ADGRB3: variants seen among roughly 807,000 people sequenced by gnomAD.
The protein encoded by ADGRB3 is brain-specific angiogenesis inhibitor 3.
ADGRB3 carries 37 observed loss-of-function variants against 193.4 expected under a neutral mutation model. The ratio of observed to expected loss-of-function variants is 0.19; its 90% CI spans 0.15 to 0.25. The LOEUF is 0.25. Ranked by LOEUF, ADGRB3 falls within the 10% of genes least tolerant of loss-of-function variation. The pLI is 1.00. For synonymous variants in ADGRB3, 690 were observed against 644.2 expected, an observed-to-expected ratio of 1.07 and a Z score of -1.08; for missense variants, 1,637 against 1,852.9, an observed-to-expected ratio of 0.88 and a Z score of 2.14.
intron 3 of ADGRB3, among the ~76,000 whole-genome samples, chr6:68,730,173 T>A (rs1342398964): frequency 6.6e-6 from 1 of 151,656 alleles, no homozygotes; most frequent in Non-Finnish European, 1.5e-5. Flanking sequence ...TTTAGTTAAA[T>A]GTACAGTAAA....
rs1272886339 is a variant in ADGRB3, at chr6:68,772,892, AAAATATATATATATATATATAT to A, written c.757+133462_757+133483del. On this transcript the variant is annotated intron_variant, in intron 3 of 31. Transcript: ENST00000370598. ...AAACAAACAAACAAACAAAAAAAAA[AAAATATATATATATATATATAT>A]ATATATATATATATATATACATACA... is the stretch of plus-strand genomic sequence containing the variant. Among the ~76,000 whole-genome samples the A allele has an allele frequency of 9.8e-4, 30 of 30,556 alleles. 3 individuals are homozygous for A. The highest frequency in any genetic ancestry group is 6.5e-3 in the South Asian group (6 of 926). 20.0% of individuals were successfully genotyped at this position (30,556 alleles called of 152,430 possible). A position where few individuals can be genotyped will look rare whatever the true frequency, so the allele number is the denominator to read the frequency against.
At chr6:68,979,391 A>G (rs1195312261) in intron 10 of ADGRB3, among the ~76,000 whole-genome samples, 3 of 151,416 alleles carry the variant, frequency 2.0e-5, no homozygotes, top group Non-Finnish European at 4.4e-5. Context: ...TCACTTTATG[A>G]AATTATTCGG....
intron 3 of ADGRB3, among the ~76,000 whole-genome samples, chr6:68,769,080 C>T (rs995532828): frequency 6.6e-6 from 1 of 152,168 alleles, no homozygotes; most frequent in Non-Finnish European, 1.5e-5. Flanking sequence ...AATGCTTTTA[C>T]ACTGTTGGTG....
chr6:68,918,347 T>C (rs1047611737), intron 3 of ADGRB3, among the ~76,000 whole-genome samples: 8 of 152,144 alleles, frequency 5.3e-5, no homozygotes, highest in Non-Finnish European at 8.8e-5. Flanking sequence ...AGAAGCACAG[T>C]CATATGATGA....
intron 3 of ADGRB3, among the ~76,000 whole-genome samples, chr6:68,847,068 G>A (rs553681260): frequency 6.6e-6 from 1 of 152,124 alleles, no homozygotes; most frequent in Admixed American, 6.5e-5. Flanking sequence ...GATCATTTTG[G>A]AGCTTTCAAT....
chr6:68,852,662 CT>C (rs1182337631), intron 3 of ADGRB3, among the ~76,000 whole-genome samples: 2 of 151,934 alleles, frequency 1.3e-5, no homozygotes, highest in Non-Finnish European at 2.9e-5. Flanking sequence ...TAATAGGATC[CT>C]TCTAGGAGGA....
chr6:69,306,698 A>C (rs1184421182), intron 20 of ADGRB3, among the ~76,000 whole-genome samples: 6 of 151,526 alleles, frequency 4.0e-5, no homozygotes, highest in African/African-American at 1.5e-4. Context: ...GACCACAATA[A>C]TGGCAAATGG....
intron 6 of ADGRB3, among the ~76,000 whole-genome samples, chr6:68,951,823 GGA>G (rs1767928200): frequency 6.6e-6 from 1 of 152,074 alleles, no homozygotes; most frequent in Non-Finnish European, 1.5e-5. Flanking sequence ...CATTGAGTGG[GGA>G]GAGACATTGA....
intron 17 of ADGRB3, among the ~76,000 whole-genome samples, chr6:69,184,707 T>C (rs964416416): frequency 6.6e-6 from 1 of 152,028 alleles, no homozygotes; most frequent in African/African-American, 2.4e-5. Flanking sequence ...AAATAAAAGA[T>C]ACTTTCATAT....
In ADGRB3 at chr6:68,638,739, T is replaced by G. The variant is rs1561979192; in HGVS notation, c.64T>G (p.Phe22Val). 1 of 1,614,174 alleles carries G rather than the reference T, an allele frequency of 6.2e-7. No individual in the cohort carries two copies. The highest frequency in any genetic ancestry group is 8.5e-7 in the Non-Finnish European group (1 of 1,180,026). ...FSTYLLVMFGFNAAQDFWCST... is the reference protein window; with the variant it reads ...FSTYLLVMFGVNAAQDFWCST... ...CACCTATCTCCTGGTTATGTTTGGA[T>G]TTAATGCTGCCCAAGACTTCTGGTG... The change falls in exon 3 of 32, where the codon TTT becomes GTT. Residue 22 changes from phenylalanine (F) to valine (V), a missense_variant. Transcript: ENST00000370598.
intron 3 of ADGRB3, among the ~76,000 whole-genome samples, chr6:68,811,767 G>A (rs1337086747): frequency 6.6e-6 from 1 of 152,152 alleles, no homozygotes; most frequent in Non-Finnish European, 1.5e-5. Flanking sequence ...ACCGTGACCA[G>A]CCGAGGTGGA....
chr6:68,739,775 A>C (rs980933738), intron 3 of ADGRB3, among the ~76,000 whole-genome samples: 2 of 152,210 alleles, frequency 1.3e-5, no homozygotes, highest in Non-Finnish European at 2.9e-5. Context: ...TACATATTCA[A>C]ATTGTAGGTT....
At chr6:68,940,890 AAAATAAAAT>A (rs1767624748) in intron 5 of ADGRB3, among the ~76,000 whole-genome samples, 1 of 152,182 alleles carries the variant, frequency 6.6e-6, no homozygotes, top group Non-Finnish European at 1.5e-5. Flanking sequence ...ACTCCGTCTC[AAAATAAAAT>A]AAATAAAATG....
At chr6:68,895,417 G>A (rs992086603) in intron 3 of ADGRB3, among the ~76,000 whole-genome samples, 8 of 151,850 alleles carry the variant, frequency 5.3e-5, no homozygotes, top group Non-Finnish European at 1.0e-4. Context: ...CTAGGACTGG[G>A]GTTCTAGCCA....
intron 3 of ADGRB3, among the ~76,000 whole-genome samples, chr6:68,828,721 G>A (rs1767895739): frequency 6.6e-6 from 1 of 152,040 alleles, no homozygotes; most frequent in Non-Finnish European, 1.5e-5. Flanking sequence ...TTAAAACCTA[G>A]GAACATAAGC....
intron 17 of ADGRB3, among the ~76,000 whole-genome samples, chr6:69,214,936 G>A (rs890192995): frequency 2.0e-5 from 3 of 151,944 alleles, no homozygotes; most frequent in Non-Finnish European, 2.9e-5. Flanking sequence ...CAAGACCTAC[G>A]CATAGCATAT....
At chr6:68,994,219 G>C (rs1039995245) in intron 11 of ADGRB3, among the ~76,000 whole-genome samples, 1 of 152,040 alleles carries the variant, frequency 6.6e-6, no homozygotes, top group Admixed American at 6.6e-5. Context: ...TGAGCCCCCA[G>C]ATAAAAGGCA....
intron 20 of ADGRB3, among the ~76,000 whole-genome samples, chr6:69,317,106 T>G (rs1333575135): frequency 6.6e-6 from 1 of 151,614 alleles, no homozygotes; most frequent in African/African-American, 2.4e-5. Context: ...TGTATGTATT[T>G]ATACAAATGA....
At chr6:68,717,551 C>A (rs981410919) in intron 3 of ADGRB3, among the ~76,000 whole-genome samples, 3 of 151,536 alleles carry the variant, frequency 2.0e-5, no homozygotes, top group African/African-American at 7.3e-5. Flanking sequence ...AGTGATTCTA[C>A]TTATAAGGCA....
Sources: gnomAD v4.1 joint callset for allele counts (sites outside exome capture counted in the v4.1 genomes callset) on GRCh38, gnomAD v4.1.1 for gene constraint, MANE v1.5 for transcripts, NCBI Gene and HGNC (gene_info 2026-07-23, HGNC 2026-07-21) for gene names.